The following EXOC6 variants were observed in gnomAD, a reference collection of about 807,000 sequenced individuals.
EXOC6 encodes the protein SEC15-like 1.
A neutral mutation model predicts 112.5 loss-of-function variants in EXOC6; 60 were observed. The observed-to-expected ratio is 0.53, with a 90% CI of 0.43 to 0.66. The LOEUF is 0.66. Among genes scored for constraint, EXOC6 ranks in the 30% least tolerant of loss-of-function variants. The pLI, the probability that EXOC6 is intolerant of heterozygous loss-of-function variation, is 0.00. For synonymous variants in EXOC6, 295 were observed against 308.0 expected, an observed-to-expected ratio of 0.96 and a Z score of 0.44; for missense variants, 855 against 957.1, an observed-to-expected ratio of 0.89 and a Z score of 1.41.
chr10:93,036,006 A>G (rs1845497879), intron 20 of EXOC6, among the ~76,000 whole-genome samples: 1 of 152,210 alleles, frequency 6.6e-6, no homozygotes, highest in Non-Finnish European at 1.5e-5. Context: ...AGATCACCGA[A>G]GGTCGGGAGT....
At chr10:92,942,326 T>C (rs1270786441) in intron 13 of EXOC6, among the ~76,000 whole-genome samples, 1 of 152,160 alleles carries the variant, frequency 6.6e-6, no homozygotes, top group African/African-American at 2.4e-5. Flanking sequence ...GCCCAGGTGT[T>C]TGAGGCTGCA....
At chr10:92,864,237 A>G (rs1028071023) in intron 1 of EXOC6, among the ~76,000 whole-genome samples, 11 of 152,262 alleles carry the variant, frequency 7.2e-5, no homozygotes, top group African/African-American at 1.9e-4. Context: ...GCATTAACAA[A>G]TAACCAAGGA....
intron 1 of EXOC6, among the ~76,000 whole-genome samples, chr10:92,841,955 C>G (rs1057493952): frequency 1.3e-5 from 2 of 151,882 alleles, no homozygotes; most frequent in Non-Finnish European, 2.9e-5. Context: ...GTCTGGGTGC[C>G]GTTGATACAG....
chr10:92,835,504 G>T (rs1026569773), intron 1 of EXOC6, among the ~76,000 whole-genome samples: 3 of 152,142 alleles, frequency 2.0e-5, no homozygotes, highest in Non-Finnish European at 4.4e-5. Context: ...GTGGGAACAA[G>T]ATATTCATCA....
intron 1 of EXOC6, among the ~76,000 whole-genome samples, chr10:92,876,549 G>A (rs962642432): frequency 2.0e-5 from 3 of 152,144 alleles, no homozygotes; most frequent in Non-Finnish European, 4.4e-5. Flanking sequence ...AATGAAAGCT[G>A]CAGTGTCAAA....
At chr10:92,931,890 A>G (rs1852060695) in intron 9 of EXOC6, among the ~76,000 whole-genome samples, 1 of 152,092 alleles carries the variant, frequency 6.6e-6, no homozygotes, top group Non-Finnish European at 1.5e-5. Context: ...ATTTGTTACA[A>G]TGTTGAGCAA....
In EXOC6 at chr10:93,050,759, CAAAA is replaced by C. The variant is rs58439083; in HGVS notation, c.2170-6146_2170-6143del. ...TGGGCAACAAAGCGAGACTCCGTCT[CAAAA>C]AAAAAAAAAAAAAAAAAAGAATTGC... On this transcript the variant is annotated intron_variant, in intron 20 of 21. Coordinates refer to ENST00000260762, the MANE Select transcript of EXOC6 (RefSeq NM_019053.6). Among the ~76,000 whole-genome samples the C allele has an allele frequency of 1.1e-3, 41 of 37,302 alleles. 1 individual carries two copies. The highest frequency in any genetic ancestry group is 2.0e-3 in the Admixed American group (3 of 1,504). The allele number at this position is 37,302 out of a possible 152,430, so 24.5% of individuals were successfully genotyped here. A position where few individuals can be genotyped will look rare whatever the true frequency, so the allele number is the denominator to read the frequency against.
At chr10:92,901,169 A>G (rs1256476791) in intron 5 of EXOC6, 2 of 152,192 alleles carry the variant, frequency 1.3e-5, no homozygotes, top group African/African-American at 4.8e-5. Flanking sequence ...AAATTTGATC[A>G]TTTGGTTAAG....
intron 20 of EXOC6, among the ~76,000 whole-genome samples, chr10:93,030,901 C>T (rs1845240240): frequency 6.6e-6 from 1 of 152,134 alleles, no homozygotes; most frequent in Admixed American, 6.5e-5. Flanking sequence ...TACACCTCCC[C>T]TTAAGGCAAA....
intron 2 of EXOC6, among the ~76,000 whole-genome samples, chr10:92,894,211 C>T (rs1343933556): frequency 6.6e-6 from 1 of 152,098 alleles, no homozygotes; most frequent in Non-Finnish European, 1.5e-5. Flanking sequence ...CATCTTTGTT[C>T]AGAAATTAAT....
intron 1 of EXOC6, among the ~76,000 whole-genome samples, chr10:92,841,792 T>C (rs1846862721): frequency 6.6e-6 from 1 of 152,262 alleles, no homozygotes; most frequent in South Asian, 2.1e-4. Context: ...GTTCAAATTC[T>C]GCCTTTATAA....
chr10:92,850,746 AT>A (rs1847285695), intron 1 of EXOC6, among the ~76,000 whole-genome samples: 1 of 152,204 alleles, frequency 6.6e-6, no homozygotes, highest in Non-Finnish European at 1.5e-5. Context: ...ATTCATAAAT[AT>A]TTTAGTATTA....
At chr10:92,898,535 G>A (rs1306492395) in intron 4 of EXOC6, among the ~76,000 whole-genome samples, 1 of 152,066 alleles carries the variant, frequency 6.6e-6, no homozygotes, top group Non-Finnish European at 1.5e-5. Flanking sequence ...AATAGCATGA[G>A]GTAGATATGA....
chr10:93,054,707 C>T (rs929104926), intron 20 of EXOC6, among the ~76,000 whole-genome samples: 6 of 152,156 alleles, frequency 3.9e-5, no homozygotes, highest in Non-Finnish European at 8.8e-5. Flanking sequence ...TCCTTTCCCA[C>T]TTGGGGGTAA....
chr10:92,985,815 GGTA>G (rs1842980247), intron 18 of EXOC6, among the ~76,000 whole-genome samples: 1 of 152,012 alleles, frequency 6.6e-6, no homozygotes, highest in Non-Finnish European at 1.5e-5. Flanking sequence ...AAAGGAAAAA[GGTA>G]GTAGTCAACA....
intron 18 of EXOC6, among the ~76,000 whole-genome samples, chr10:92,989,024 T>C (rs1843124481): frequency 6.6e-6 from 1 of 152,248 alleles, no homozygotes; most frequent in Non-Finnish European, 1.5e-5. Context: ...TGCATGTGGA[T>C]ACTTTGTCTT....
intron 1 of EXOC6, among the ~76,000 whole-genome samples, chr10:92,885,786 C>A (rs1268014526): frequency 1.3e-5 from 2 of 152,060 alleles, no homozygotes; most frequent in Admixed American, 6.6e-5. Context: ...GATGACTGAG[C>A]TAACCCCCCC....
intron 20 of EXOC6, among the ~76,000 whole-genome samples, chr10:93,044,509 C>G (rs1373631484): frequency 1.3e-5 from 2 of 152,052 alleles, no homozygotes; most frequent in African/African-American, 2.4e-5. Flanking sequence ...TTCCATCAGA[C>G]TAAGTATGGT....
chr10:92,998,612 A>T (rs1199428400), intron 19 of EXOC6, among the ~76,000 whole-genome samples: 3 of 135,168 alleles, frequency 2.2e-5, no homozygotes, highest in Non-Finnish European at 4.7e-5. Flanking sequence ...GGACAAGATC[A>T]ATTGTCTGTT....
Sources: gnomAD v4.1 joint callset for allele counts (sites outside exome capture counted in the v4.1 genomes callset) on GRCh38, gnomAD v4.1.1 for gene constraint, MANE v1.5 for transcripts, NCBI Gene and HGNC (gene_info 2026-07-23, HGNC 2026-07-21) for gene names.